The following SCHIP1 variants were observed in gnomAD, a reference collection of about 807,000 sequenced individuals.
SCHIP1 encodes the protein schwannomin interacting protein 1.
SCHIP1 carries 8 observed loss-of-function variants against 29.7 expected under a neutral mutation model. The ratio of observed to expected loss-of-function variants is 0.27; its 90% CI spans 0.16 to 0.49. The LOEUF (loss-of-function observed/expected upper bound fraction) is 0.49, where lower values mean the gene tolerates loss of function less well. Among genes scored for constraint, SCHIP1 ranks in the 20% least tolerant of loss-of-function variants. The pLI is 0.99. For missense variants in SCHIP1, 193 were observed against 294.6 expected, an observed-to-expected ratio of 0.66 and a Z score of 2.52; for synonymous variants, 76 against 94.9, an observed-to-expected ratio of 0.80 and a Z score of 1.16.
chr3:159,709,568 A>G, the SCHIP1 span, among the ~76,000 whole-genome samples: 1 of 152,212 alleles, frequency 6.6e-6, no homozygotes, highest in Non-Finnish European at 1.5e-5. Flanking sequence ...TTACACAGAA[A>G]TCTGTAGCTC....
chr3:159,774,592 C>T, the SCHIP1 span, among the ~76,000 whole-genome samples: 1 of 151,906 alleles, frequency 6.6e-6, no homozygotes, highest in Admixed American at 6.6e-5. Context: ...GTATATTTCC[C>T]GTAAAGTGTA....
At chr3:159,844,389 T>C (rs978359333) in intron 1 of SCHIP1, among the ~76,000 whole-genome samples, 3 of 150,178 alleles carry the variant, frequency 2.0e-5, no homozygotes, top group African/African-American at 7.6e-5. Flanking sequence ...TCCTACAGAA[T>C]TTTTCATGGT....
At chr3:159,399,050 G>C in the SCHIP1 span, 13,155 of 481,342 alleles carry the variant, frequency 0.027, 236 homozygotes, top group Middle Eastern at 0.06. Flanking sequence ...CTCCCCTCCA[G>C]CTACACTGGC....
At chr3:159,884,131 A>T (rs1716722672) in intron 2 of SCHIP1, among the ~76,000 whole-genome samples, 1 of 152,208 alleles carries the variant, frequency 6.6e-6, no homozygotes, top group Admixed American at 6.5e-5. Flanking sequence ...CTAGATTCAA[A>T]TTAGGGTTTG....
chr3:159,498,324 A>G, the SCHIP1 span, among the ~76,000 whole-genome samples: 2 of 152,232 alleles, frequency 1.3e-5, no homozygotes, highest in East Asian at 3.8e-4. Flanking sequence ...AATTTTATCC[A>G]TGAATATGAA....
At chr3:159,626,144 CTAGATATATATATA>C in the SCHIP1 span, among the ~76,000 whole-genome samples, 2 of 75,860 alleles carry the variant, frequency 2.6e-5, no homozygotes, top group African/African-American at 1.7e-4. Flanking sequence ...ATAGATATAT[CTAGATATATATATA>C]TATCTAGATA....
the SCHIP1 span, among the ~76,000 whole-genome samples, chr3:159,291,459 A>C: frequency 1.3e-5 from 2 of 152,160 alleles, no homozygotes; most frequent in Non-Finnish European, 2.9e-5. Flanking sequence ...CCAGGCAATA[A>C]ATATAGGAAA....
the SCHIP1 span, among the ~76,000 whole-genome samples, chr3:159,750,680 G>T: frequency 6.6e-6 from 1 of 152,106 alleles, no homozygotes; most frequent in South Asian, 2.1e-4. Flanking sequence ...GGGTAGGGTT[G>T]GGTGTATACA....
the SCHIP1 span, among the ~76,000 whole-genome samples, chr3:159,424,375 G>A: frequency 1.2e-3 from 178 of 152,280 alleles, 1 homozygote; most frequent in East Asian, 0.019. Context: ...GCCAAGGCTC[G>A]AGAACTATGT....
the SCHIP1 span, among the ~76,000 whole-genome samples, chr3:159,481,581 T>A: frequency 6.6e-6 from 1 of 152,310 alleles, no homozygotes; most frequent in African/African-American, 2.4e-5. Context: ...ATTTGTTAAA[T>A]CTGGCAACCT....
the SCHIP1 span, among the ~76,000 whole-genome samples, chr3:159,289,087 A>G: frequency 6.6e-6 from 1 of 152,176 alleles, no homozygotes; most frequent in African/African-American, 2.4e-5. Flanking sequence ...TGTATCTTAA[A>G]TATGTAACTT....
chr3:159,389,684 T>C, the SCHIP1 span, among the ~76,000 whole-genome samples: 4 of 152,068 alleles, frequency 2.6e-5, no homozygotes, highest in African/African-American at 9.7e-5. Context: ...ATGTGATTAC[T>C]CTTTTACCTT....
At chr3:159,284,798 A>T in the SCHIP1 span, among the ~76,000 whole-genome samples, 2 of 151,952 alleles carry the variant, frequency 1.3e-5, no homozygotes, top group African/African-American at 4.8e-5. Flanking sequence ...CGCCTGGCCA[A>T]CTTTAGGTGT....
At chr3:159,650,883 C>A in the SCHIP1 span, among the ~76,000 whole-genome samples, 1 of 152,102 alleles carries the variant, frequency 6.6e-6, no homozygotes, top group Non-Finnish European at 1.5e-5. Context: ...ATAAACCAAC[C>A]AGAAAAGCTG....
chr3:159,448,821 G>A, the SCHIP1 span, among the ~76,000 whole-genome samples: 83 of 152,264 alleles, frequency 5.5e-4, no homozygotes, highest in African/African-American at 1.8e-3. Context: ...CAACAGCATC[G>A]TGAGGTAGTC....
chr3:159,805,882 C>T, the SCHIP1 span, among the ~76,000 whole-genome samples: 1 of 150,304 alleles, frequency 6.7e-6, no homozygotes, highest in East Asian at 2.0e-4. Context: ...GATCTCGGCT[C>T]ACTGCAACCT....
chr3:159,354,651 A>G, the SCHIP1 span, among the ~76,000 whole-genome samples: 49 of 152,302 alleles, frequency 3.2e-4, no homozygotes, highest in African/African-American at 1.1e-3. Context: ...TCGAAGAAGG[A>G]CTGATGATGC....
At chr3:159,731,377 C>A in the SCHIP1 span, among the ~76,000 whole-genome samples, 154 of 152,334 alleles carry the variant, frequency 1.0e-3, 3 homozygotes, top group South Asian at 0.03. Flanking sequence ...CTCGTCCCTG[C>A]CAGCTGGAAG....
At chr3:159,400,867 C>A in the SCHIP1 span, among the ~76,000 whole-genome samples, 68 of 152,270 alleles carry the variant, frequency 4.5e-4, 1 homozygote, top group Non-Finnish European at 8.5e-4. Flanking sequence ...TGATAGCAGG[C>A]TCTAGACTTC....
Sources: gnomAD v4.1 joint callset for allele counts (sites outside exome capture counted in the v4.1 genomes callset) on GRCh38, gnomAD v4.1.1 for gene constraint, MANE v1.5 for transcripts, NCBI Gene and HGNC (gene_info 2026-07-23, HGNC 2026-07-21) for gene names.